Variants in THADA observed in about 807,000 individuals in gnomAD.
The protein encoded by THADA is THADA armadillo repeat containing.
A neutral mutation model predicts 219.8 loss-of-function variants in THADA; 213 were observed. The ratio of observed to expected loss-of-function variants is 0.97; its 90% confidence interval spans 0.87 to 1.09. THADA has a LOEUF of 1.09. THADA is among the 50% of genes least tolerant of loss of function. The pLI, the probability that THADA is intolerant of heterozygous loss-of-function variation, is 0.00. For synonymous variants in THADA, 1,018 were observed against 828.9 expected (o/e 1.23, Z -3.92); for missense variants, 2,956 against 2,311.3 (o/e 1.28, Z -5.72).
chr2:43,450,892 C>A (rs7582351), intron 26 of THADA, among the ~76,000 whole-genome samples: 2,129 of 152,182 alleles, frequency 0.014, 61 homozygotes, highest in African/African-American at 0.048. Flanking sequence ...GTAGCTAGAA[C>A]AGTCAAATTC....
At chr2:43,464,579 A>C (rs1365813562) in intron 26 of THADA, among the ~76,000 whole-genome samples, 1 of 152,180 alleles carries the variant, frequency 6.6e-6, no homozygotes, top group Non-Finnish European at 1.5e-5. Context: ...TGTTAGCAAA[A>C]TGTATCACTC....
chr2:43,562,007 A>G (rs1418287502), intron 15 of THADA, among the ~76,000 whole-genome samples: 2 of 152,176 alleles, frequency 1.3e-5, no homozygotes, highest in Non-Finnish European at 2.9e-5. Context: ...AGACGATCAC[A>G]TGGTATTTCC....
At chr2:43,347,907 C>T (rs187272431) in intron 29 of THADA, among the ~76,000 whole-genome samples, 109 of 152,164 alleles carry the variant, frequency 7.2e-4, no homozygotes, top group Middle Eastern at 6.8e-3. Flanking sequence ...ATTCTGCAGA[C>T]GGCAAAGATT....
intron 29 of THADA, among the ~76,000 whole-genome samples, chr2:43,388,379 T>A (rs1396873804): frequency 6.6e-6 from 1 of 151,914 alleles, no homozygotes; most frequent in African/African-American, 2.4e-5. Context: ...ACAGTAAGAG[T>A]GGAATGGCTC....
At chr2:43,380,333 T>A (rs1462736569) in intron 29 of THADA, among the ~76,000 whole-genome samples, 2 of 152,194 alleles carry the variant, frequency 1.3e-5, no homozygotes, top group Non-Finnish European at 2.9e-5. Flanking sequence ...TAGGTAAGGT[T>A]TTTTTCTCCC....
chr2:43,492,100 G>A (rs989587948), intron 25 of THADA: 2 of 152,224 alleles, frequency 1.3e-5, no homozygotes, highest in African/African-American at 4.8e-5. Flanking sequence ...ATTGCTTGAG[G>A]TCAGGAGTTC....
chr2:43,284,296 A>G (rs1234779426), intron 35 of THADA, among the ~76,000 whole-genome samples: 1 of 152,206 alleles, frequency 6.6e-6, no homozygotes, highest in African/African-American at 2.4e-5. Flanking sequence ...CTAGGAAGAA[A>G]AAATGGTTTC....
At chr2:43,383,490 C>T (rs1352936926) in intron 29 of THADA, among the ~76,000 whole-genome samples, 1 of 152,210 alleles carries the variant, frequency 6.6e-6, no homozygotes, top group African/African-American at 2.4e-5. Flanking sequence ...GAAACAAAGG[C>T]ATAACCAATC....
At chr2:43,248,777 G>A (rs891911663) in intron 36 of THADA, among the ~76,000 whole-genome samples, 6 of 152,058 alleles carry the variant, frequency 3.9e-5, no homozygotes, top group Admixed American at 1.3e-4. Flanking sequence ...CAGAAGGAGC[G>A]GCCCGGGCCG....
At chr2:43,498,981 T>G (rs1311374266) in intron 24 of THADA, 26 bp from the exon 25 acceptor site, 2 of 1,550,440 alleles carry the variant, frequency 1.3e-6, no homozygotes, top group Non-Finnish European at 1.7e-6. Context: ...CAAAATTAGT[T>G]GTGGGTTGAA....
At chr2:43,591,928 C>T (rs771785455) in intron 3 of THADA, 24 bp downstream of exon 3, 77 of 1,438,102 alleles carry the variant, frequency 5.4e-5, no homozygotes, top group Non-Finnish European at 2.8e-5. Flanking sequence ...AAAGATGCAT[C>T]CATGAATATC....
chr2:43,342,180 C>A (rs1321231450), intron 30 of THADA, among the ~76,000 whole-genome samples: 1 of 152,170 alleles, frequency 6.6e-6, no homozygotes, highest in African/African-American at 2.4e-5. Context: ...AGCGCCACTG[C>A]ACTCTAACCT....
At chr2:43,387,999 G>A (rs1297822359) in intron 29 of THADA, among the ~76,000 whole-genome samples, 1 of 152,226 alleles carries the variant, frequency 6.6e-6, no homozygotes, top group Non-Finnish European at 1.5e-5. Flanking sequence ...CAACCACAGT[G>A]CTTTTAAATG....
At chr2:43,350,092 C>CT (rs577856723) in intron 29 of THADA, among the ~76,000 whole-genome samples, 43 of 152,240 alleles carry the variant, frequency 2.8e-4, no homozygotes, top group African/African-American at 9.9e-4. Context: ...GTCAGGCCCC[C>CT]TTTTTTTCTC....
intron 29 of THADA, among the ~76,000 whole-genome samples, chr2:43,390,098 T>C (rs1043205223): frequency 3.3e-5 from 5 of 152,208 alleles, no homozygotes; most frequent in African/African-American, 1.2e-4. Context: ...TCCAGAGGGT[T>C]AAGGTAAAGG....
chr2:43,438,040 GCCTGTAAT>G (rs1680343494), intron 26 of THADA, among the ~76,000 whole-genome samples: 1 of 152,054 alleles, frequency 6.6e-6, no homozygotes, highest in Non-Finnish European at 1.5e-5. Context: ...GGTGGCTCAC[GCCTGTAAT>G]CCCAGCACTT....
At chr2:43,240,913 T>G (rs1428293109) in intron 36 of THADA, among the ~76,000 whole-genome samples, 1 of 152,200 alleles carries the variant, frequency 6.6e-6, no homozygotes, top group Admixed American at 6.5e-5. Context: ...CAGCATGCAC[T>G]GGGCCAAGTG....
At chr2:43,278,917 T>G (rs111274231) in intron 36 of THADA, among the ~76,000 whole-genome samples, 5,678 of 152,276 alleles carry the variant, frequency 0.037, 180 homozygotes, top group South Asian at 0.18. Context: ...TTTGATCCCT[T>G]GCCTCAAAAC....
rs1407871985 is a variant in THADA at position 43,466,646 on chromosome 2, C to A, written c.3836+18588G>T. Among the ~76,000 whole-genome samples, 4 of 152,272 alleles carry A rather than the reference C, an allele frequency of 2.6e-5. No homozygotes were observed. In the South Asian group the frequency reaches 8.3e-4, roughly 32 times the overall value. On this transcript the variant is annotated intron_variant, in intron 26 of 37. Transcript: ENST00000405975. ...ACCCTACTGAGTAAATGAATGCTTACAAGAGCTAATTGTATTGTGCATTTA... is the reference window on the plus strand; with the variant it reads ...ACCCTACTGAGTAAATGAATGCTTAAAAGAGCTAATTGTATTGTGCATTTA...
Sources: allele counts gnomAD v4.1 joint callset (sites outside exome capture counted in the v4.1 genomes callset), GRCh38; gene constraint gnomAD v4.1.1; transcripts MANE v1.5; gene names NCBI Gene and HGNC (gene_info 2026-07-23, HGNC 2026-07-21).